The following L3MBTL4 variants were observed in gnomAD, a reference collection of about 807,000 sequenced individuals.
L3MBTL4 encodes the protein L3MBTL histone methyl-lysine binding protein 4, also known as lethal(3)malignant brain tumor-like protein 4.
Under a neutral mutation model 84.5 loss-of-function variants are expected in L3MBTL4, and 70 were observed. The observed-to-expected ratio is 0.83, with a 90% confidence interval of 0.68 to 1.01. The LOEUF is 1.01. Ranked by LOEUF, L3MBTL4 falls within the 50% of genes least tolerant of loss-of-function variation. The pLI, the probability that L3MBTL4 is intolerant of heterozygous loss-of-function variation, is 0.00. For synonymous variants in L3MBTL4, 274 were observed against 259.8 expected (o/e 1.05, Z -0.52); for missense variants, 715 against 754.8 (o/e 0.95, Z 0.62).
intron 3 of L3MBTL4, among the ~76,000 whole-genome samples, chr18:6,308,744 T>A (rs1390021069): frequency 6.6e-6 from 1 of 152,178 alleles, no homozygotes; most frequent in African/African-American, 2.4e-5. Context: ...GTTTGGAATT[T>A]TTAGCTGTCT....
intron 14 of L3MBTL4, among the ~76,000 whole-genome samples, chr18:6,135,448 T>C (rs904841674): frequency 6.6e-6 from 1 of 152,214 alleles, no homozygotes; most frequent in Admixed American, 6.5e-5. Context: ...TCTGAACTTT[T>C]ATGCTCTGTT....
intron 16 of L3MBTL4, among the ~76,000 whole-genome samples, chr18:6,032,619 T>A (rs1046582753): frequency 2.0e-5 from 3 of 151,986 alleles, no homozygotes; most frequent in Admixed American, 6.6e-5. Context: ...ATTAAATACA[T>A]CCCTAATGTT....
intron 16 of L3MBTL4, among the ~76,000 whole-genome samples, chr18:6,064,814 T>C (rs1421328647): frequency 1.3e-5 from 2 of 151,950 alleles, no homozygotes; most frequent in African/African-American, 2.4e-5. Flanking sequence ...ATCTGAGTTA[T>C]TCTTTTCCAC....
intron 4 of L3MBTL4, among the ~76,000 whole-genome samples, chr18:6,268,750 A>C (rs2048741295): frequency 6.6e-6 from 1 of 152,220 alleles, no homozygotes; most frequent in Non-Finnish European, 1.5e-5. Context: ...TAAACAAAAT[A>C]TATTTGATTA....
intron 4 of L3MBTL4, among the ~76,000 whole-genome samples, chr18:6,299,465 T>C (rs1376368297): frequency 1.3e-5 from 2 of 152,192 alleles, no homozygotes. Flanking sequence ...TTGCTAGATG[T>C]GGGTTCAAAT....
At chr18:6,102,836 C>G (rs2058877046) in intron 14 of L3MBTL4, among the ~76,000 whole-genome samples, 1 of 152,168 alleles carries the variant, frequency 6.6e-6, no homozygotes, top group Non-Finnish European at 1.5e-5. Flanking sequence ...AAGAGATACC[C>G]TTTAATTGGG....
intron 16 of L3MBTL4, among the ~76,000 whole-genome samples, chr18:6,019,599 T>A (rs2145482576): frequency 6.6e-6 from 1 of 152,364 alleles, no homozygotes; most frequent in South Asian, 2.1e-4. Flanking sequence ...AGGTTTCATA[T>A]ATGTCACTTA....
chr18:6,020,845 C>T (rs949163488), intron 16 of L3MBTL4, among the ~76,000 whole-genome samples: 5 of 152,088 alleles, frequency 3.3e-5, no homozygotes, highest in East Asian at 1.9e-4. Flanking sequence ...CTGGGGTGGA[C>T]GTGCTCACTA....
chr18:6,307,918 G>T (rs1450336654), intron 3 of L3MBTL4, among the ~76,000 whole-genome samples: 2 of 151,630 alleles, frequency 1.3e-5, no homozygotes, highest in African/African-American at 4.8e-5. Context: ...TTTTTCTTTT[G>T]TGAAACTTGC....
intron 13 of L3MBTL4, among the ~76,000 whole-genome samples, chr18:6,145,774 A>T (rs1005955403): frequency 9.2e-5 from 14 of 152,208 alleles, no homozygotes; most frequent in Non-Finnish European, 1.8e-4. Context: ...AATTAAAGGG[A>T]TACTGCAGGT....
intron 5 of L3MBTL4, among the ~76,000 whole-genome samples, chr18:6,252,687 C>T (rs1237433456): frequency 6.6e-6 from 1 of 152,212 alleles, no homozygotes; most frequent in African/African-American, 2.4e-5. Context: ...CATGATAAGA[C>T]TCATATGTCC....
At chr18:6,142,766 T>G (rs1203832147) in intron 13 of L3MBTL4, among the ~76,000 whole-genome samples, 1 of 151,972 alleles carries the variant, frequency 6.6e-6, no homozygotes, top group African/African-American at 2.4e-5. Context: ...AAAAATAATC[T>G]TAAAAGTTAT....
chr18:6,175,674 G>A (rs1159824346), intron 12 of L3MBTL4, among the ~76,000 whole-genome samples: 1 of 152,098 alleles, frequency 6.6e-6, no homozygotes, highest in African/African-American at 2.4e-5. Flanking sequence ...AGAAATAGAA[G>A]GGAACTCCCT....
intron 17 of L3MBTL4, among the ~76,000 whole-genome samples, chr18:5,965,605 A>C (rs141722741): frequency 6.6e-6 from 1 of 151,988 alleles, no homozygotes; most frequent in Non-Finnish European, 1.5e-5. Context: ...GCAGCCCCAC[A>C]CTCTGCTGTG....
intron 5 of L3MBTL4, among the ~76,000 whole-genome samples, chr18:6,248,821 A>G (rs1269093215): frequency 6.6e-6 from 1 of 152,204 alleles, no homozygotes; most frequent in Non-Finnish European, 1.5e-5. Flanking sequence ...TAGGTACCCC[A>G]GCTCATTCAA....
intron 1 of L3MBTL4, among the ~76,000 whole-genome samples, chr18:6,336,481 A>G (rs1599686834): frequency 6.6e-6 from 1 of 152,218 alleles, no homozygotes; most frequent in Non-Finnish European, 1.5e-5. Flanking sequence ...GAGTTTTTCT[A>G]CCAGTCACAT....
chr18:6,155,370 A>C (rs1319795278), intron 13 of L3MBTL4, among the ~76,000 whole-genome samples: 1 of 152,188 alleles, frequency 6.6e-6, no homozygotes, highest in Non-Finnish European at 1.5e-5. Context: ...CTTCAAACAT[A>C]GTAGGGCGAG....
chr18:6,217,339 T>A (rs1436584559), intron 10 of L3MBTL4, among the ~76,000 whole-genome samples: 1 of 152,152 alleles, frequency 6.6e-6, no homozygotes, highest in African/African-American at 2.4e-5. Context: ...CACAGAGATT[T>A]GTTTTCTTCT....
chr18:6,070,801 G>A (rs2057565771), intron 16 of L3MBTL4, among the ~76,000 whole-genome samples: 1 of 152,130 alleles, frequency 6.6e-6, no homozygotes, highest in Non-Finnish European at 1.5e-5. Context: ...TCGCACCACT[G>A]CACTCCAGCC....
Sources: allele counts gnomAD v4.1 joint callset (sites outside exome capture counted in the v4.1 genomes callset), GRCh38; gene constraint gnomAD v4.1.1; transcripts MANE v1.5; gene names NCBI Gene and HGNC (gene_info 2026-07-23, HGNC 2026-07-21).